Variants in TINAG observed in about 807,000 individuals in gnomAD.
TINAG encodes the protein tubulointerstitial nephritis antigen.
TINAG carries 83 observed loss-of-function variants against 72.7 expected under a neutral mutation model. The ratio of observed to expected loss-of-function variants is 1.14; its 90% confidence interval spans 0.96 to 1.37. TINAG has a LOEUF of 1.37. TINAG is among the 40% of genes most tolerant of loss of function. The pLI, the probability that TINAG is intolerant of heterozygous loss-of-function variation, is 0.00. For missense variants in TINAG, 685 were observed against 576.6 expected, an observed-to-expected ratio of 1.19 and a Z score of -1.93; for synonymous variants, 234 against 189.9, an observed-to-expected ratio of 1.23 and a Z score of -1.91.
At chr6:54,339,270 C>G (rs1784941838) in intron 4 of TINAG, among the ~76,000 whole-genome samples, 1 of 152,056 alleles carries the variant, frequency 6.6e-6, no homozygotes, top group Non-Finnish European at 1.5e-5. Context: ...AGTGGGTAGC[C>G]CTGTGCTGGA....
At position 54,347,529 on chromosome 6, in the gene TINAG, C is replaced by A. The variant is rs1785155036; in HGVS notation, c.899+12C>A. The A allele has an allele frequency of 1.2e-6, 2 of 1,610,982 alleles. No individual in the cohort carries two copies. Among genetic ancestry groups the A allele is most frequent in the Non-Finnish European group, 1.7e-6 (2 of 1,178,422 alleles). On this transcript the variant is annotated intron_variant, in intron 6 of 10. Transcript: ENST00000259782. ...CTGAGAAAACGTGGGTAAATAGCTG[C>A]TCAACATGTGTTTCTAGGATTTTTA... is the stretch of plus-strand genomic sequence containing the variant.
chr6:54,383,758 A>T (rs1764017298), intron 10 of TINAG, among the ~76,000 whole-genome samples: 1 of 152,116 alleles, frequency 6.6e-6, no homozygotes, highest in Non-Finnish European at 1.5e-5. Flanking sequence ...GGAGAATTTC[A>T]ATCTATAATT....
chr6:54,311,220 T>C (rs989848792), intron 1 of TINAG, among the ~76,000 whole-genome samples: 16 of 152,188 alleles, frequency 1.1e-4, no homozygotes, highest in Admixed American at 6.5e-4. Context: ...CATGTCTCCG[T>C]GGACTAGTAT....
intron 9 of TINAG, among the ~76,000 whole-genome samples, chr6:54,374,548 C>T (rs998574458): frequency 6.6e-6 from 1 of 152,076 alleles, no homozygotes; most frequent in African/African-American, 2.4e-5. Context: ...AACGAAGTTC[C>T]TAAGCATCTC....
intron 9 of TINAG, among the ~76,000 whole-genome samples, chr6:54,371,217 T>G (rs553255716): frequency 3.2e-4 from 48 of 152,006 alleles, no homozygotes; most frequent in African/African-American, 1.1e-3. Context: ...CTTTATAGCA[T>G]AAAGAACGAG....
intron 4 of TINAG, among the ~76,000 whole-genome samples, chr6:54,341,816 A>G (rs1406285995): frequency 6.6e-6 from 1 of 152,110 alleles, no homozygotes; most frequent in East Asian, 1.9e-4. Flanking sequence ...AAGCAGGGAA[A>G]CTATAGAAAT....
At chr6:54,350,730 G>A (rs1785245843) in intron 7 of TINAG, among the ~76,000 whole-genome samples, 1 of 149,934 alleles carries the variant, frequency 6.7e-6, no homozygotes, top group African/African-American at 2.5e-5. Flanking sequence ...TTTCCAGGCA[G>A]AATTAATTTT....
chr6:54,384,458 A>T (rs1764037789), intron 10 of TINAG, among the ~76,000 whole-genome samples: 1 of 152,156 alleles, frequency 6.6e-6, no homozygotes, highest in Non-Finnish European at 1.5e-5. Context: ...TTAAAAAGTC[A>T]CTATTTAAAA....
chr6:54,366,394 AG>A (rs1763419908), intron 9 of TINAG, among the ~76,000 whole-genome samples: 1 of 151,600 alleles, frequency 6.6e-6, no homozygotes, highest in African/African-American at 2.4e-5. Flanking sequence ...AAACAAATGC[AG>A]TTTTTTTAAT....
intron 1 of TINAG, among the ~76,000 whole-genome samples, chr6:54,313,392 C>T (rs544185595): frequency 6.6e-6 from 1 of 152,182 alleles, no homozygotes; most frequent in South Asian, 2.1e-4. Context: ...GCACATAGTA[C>T]ATATTTACTT....
Position 54,329,807 on chromosome 6 carries a change from A to C in TINAG, c.624+2891A>C, listed in dbSNP as rs573821925. 3.3e-5 allele frequency among the ~76,000 whole-genome samples: 5 copies of C among 152,304 alleles called. No individual in the cohort carries two copies. In the South Asian group the frequency reaches 1.0e-3, roughly 32 times the overall value. The stretch of plus-strand genomic sequence containing the variant: ...TACCAAGTAAATGGAAAGAAAAAAA[A>C]GCAGGGGTTGCAATCCTGATCTCTA... On this transcript the variant is annotated intron_variant, in intron 4 of 10. Coordinates refer to ENST00000259782, the MANE Select transcript of TINAG (RefSeq NM_014464.4).
In TINAG at chr6:54,341,789, G is replaced by C. The variant is rs139765941; in HGVS notation, c.625-1437G>C. Among the ~76,000 whole-genome samples the C allele has an allele frequency of 5.6e-3, 856 of 152,102 alleles. 12 individuals are homozygous for C. Among genetic ancestry groups the C allele is most frequent in the African/African-American group, 0.02 (812 of 41,514 alleles). ...AACATTTTACTTCTGCGGCAAATTAGCCATATATTTCTGATAAAGCAGGGA... is the reference window on the plus strand; with the variant it reads ...AACATTTTACTTCTGCGGCAAATTACCCATATATTTCTGATAAAGCAGGGA... On this transcript the variant is annotated intron_variant, in intron 4 of 10. Coordinates refer to ENST00000259782, the MANE Select transcript of TINAG (RefSeq NM_014464.4).
chr6:54,313,815 C>T (rs746181285), intron 1 of TINAG, among the ~76,000 whole-genome samples: 15 of 151,942 alleles, frequency 9.9e-5, no homozygotes, highest in Non-Finnish European at 1.6e-4. Context: ...CTTTTTCATA[C>T]ATAGTTTTAA....
chr6:54,365,318 G>A (rs999485634), intron 9 of TINAG: 1 of 151,564 alleles, frequency 6.6e-6, no homozygotes, highest in Non-Finnish European at 1.5e-5. Context: ...TTGAATAACA[G>A]TAGCCACTAC....
At chr6:54,388,433 G>A (rs1193267158) in intron 10 of TINAG, among the ~76,000 whole-genome samples, 1 of 152,132 alleles carries the variant, frequency 6.6e-6, no homozygotes, top group African/African-American at 2.4e-5. Context: ...GATAAAAATT[G>A]GCTATTTCTT....
chr6:54,328,558 T>C lies in TINAG; in HGVS notation c.624+1642T>C, dbSNP rs144694192. Among the ~76,000 whole-genome samples the C allele has an allele frequency of 6.4e-3, 981 of 152,146 alleles. 10 individuals are homozygous for C. The highest frequency in any genetic ancestry group is 0.01 in the Middle Eastern group (3 of 294). ...TGAAAATTCCAAAAACCAGAATGCCTCTTCTTCTCCAAAGGATCACAACTC... is the reference window on the plus strand; with the variant it reads ...TGAAAATTCCAAAAACCAGAATGCCCCTTCTTCTCCAAAGGATCACAACTC... On this transcript the variant is annotated intron_variant, in intron 4 of 10. Coordinates refer to ENST00000259782, the MANE Select transcript of TINAG (RefSeq NM_014464.4).
Position 54,321,371 on chromosome 6 carries a change from A to G in TINAG, c.494A>G (p.Asn165Ser), listed in dbSNP as rs767430468. The G allele has an allele frequency of 6.2e-7, 1 of 1,612,388 alleles. No homozygotes were observed. The highest frequency in any genetic ancestry group is 8.5e-7 in the Non-Finnish European group (1 of 1,178,724). Residue 165 changes from asparagine to serine, a missense_variant, in exon 3 of 11, where the codon AAT becomes AGT. Asn to Ser is a conservative substitution (Grantham distance 46, BLOSUM62 1). Transcript: ENST00000259782. Reference protein sequence around the residue: ...LVRSELIEQVNKGDYGWTAQN... With the variant: ...LVRSELIEQVSKGDYGWTAQN... The stretch of plus-strand genomic sequence containing the variant: ...CGTTCAGAATTAATTGAACAGGTCA[A>G]TAAAGGAGACTATGGGTGAGAGAAA...
At chr6:54,352,676 T>C (rs1174998616) in intron 8 of TINAG, among the ~76,000 whole-genome samples, 2 of 151,826 alleles carry the variant, frequency 1.3e-5, no homozygotes, top group African/African-American at 2.4e-5. Flanking sequence ...GGCAATTTTC[T>C]TAACCTTTCA....
At chr6:54,333,086 A>AT (rs895376601) in intron 4 of TINAG, among the ~76,000 whole-genome samples, 2 of 152,174 alleles carry the variant, frequency 1.3e-5, no homozygotes, top group Non-Finnish European at 2.9e-5. Flanking sequence ...TAGAACTAGA[A>AT]ATACCATTTG....
Sources: gnomAD v4.1 joint callset for allele counts (sites outside exome capture counted in the v4.1 genomes callset) on GRCh38, gnomAD v4.1.1 for gene constraint, MANE v1.5 for transcripts, NCBI Gene and HGNC (gene_info 2026-07-23, HGNC 2026-07-21) for gene names.